VCAN: variants seen among roughly 807,000 people sequenced by gnomAD.
VCAN encodes the protein versican core protein.
VCAN carries 44 observed loss-of-function variants against 245.5 expected under a neutral mutation model. That is an observed-to-expected ratio of 0.18 (90% CI 0.14 to 0.23). The LOEUF is 0.23. VCAN is among the 10% of genes least tolerant of loss of function. The probability of loss-of-function intolerance (pLI) is 1.00; values close to 1 mark genes in which losing one functional copy is unlikely to be tolerated. For synonymous variants in VCAN, 1,413 were observed against 1,437.0 expected, an observed-to-expected ratio of 0.98 and a Z score of 0.38; for missense variants, 3,793 against 4,057.9, an observed-to-expected ratio of 0.93 and a Z score of 1.77.
At chr5:83,522,972 A>G (rs1351221074) in intron 7 of VCAN, among the ~76,000 whole-genome samples, 1 of 152,176 alleles carries the variant, frequency 6.6e-6, no homozygotes, top group Non-Finnish European at 1.5e-5. Context: ...ATTAAATATA[A>G]TTTCAGAAGG....
intron 6 of VCAN, 83 bp from the exon 7 acceptor site, chr5:83,519,266 A>G: frequency 6.9e-7 from 1 of 1,440,182 alleles, no homozygotes; most frequent in Non-Finnish European, 9.6e-7. Context: ...CCTACAAAAT[A>G]CTCAGGAGCA....
chr5:83,511,140 C>G (rs1200182490), intron 5 of VCAN, among the ~76,000 whole-genome samples: 1 of 150,080 alleles, frequency 6.7e-6, no homozygotes, highest in Non-Finnish European at 1.5e-5. Context: ...TTGGGGGAGT[C>G]TTTCTCTCTT....
At chr5:83,489,462 A>G (rs1318278315) in intron 2 of VCAN, among the ~76,000 whole-genome samples, 3 of 152,214 alleles carry the variant, frequency 2.0e-5, no homozygotes, top group African/African-American at 4.8e-5. Flanking sequence ...TCCCCATTAT[A>G]TAATTGAAGG....
rs747573535 is a variant in VCAN at position 83,520,915 on chromosome 5, A to T, written c.2609A>T (p.Asp870Val). Residue 870 changes from aspartate to valine, a missense_variant, in exon 7 of 15, where the codon GAT becomes GTT. Coordinates refer to ENST00000265077, the MANE Select transcript of VCAN (RefSeq NM_004385.5). ...CAAAAGCAGTTAGAGGAGGTTACTGATGAAGACATAGCAGCCCATGGAAAA... is the reference window on the plus strand; with the variant it reads ...CAAAAGCAGTTAGAGGAGGTTACTGTTGAAGACATAGCAGCCCATGGAAAA... Reference protein sequence around the residue: ...STQKQLEEVTDEDIAAHGKFT... With the variant: ...STQKQLEEVTVEDIAAHGKFT... 1.9e-6 allele frequency: 3 copies of T among 1,614,052 alleles called. No homozygotes were observed. The highest frequency in any genetic ancestry group is 2.7e-5 in the African/African-American group (2 of 74,936).
chr5:83,490,891 C>T (rs1744961709), intron 3 of VCAN, among the ~76,000 whole-genome samples: 1 of 152,028 alleles, frequency 6.6e-6, no homozygotes, highest in African/African-American at 2.4e-5. Context: ...CATGAAAAAC[C>T]TTTCCCCCTT....
rs749185970 is a variant in VCAN at position 83,493,620 on chromosome 5, G to T, written c.520G>T (p.Asp174Tyr). 6 of 1,614,078 alleles carry T rather than the reference G, an allele frequency of 3.7e-6. No individual in the cohort carries two copies. The East Asian group carries it at 1.3e-4, about 36-fold the overall frequency. The change falls in exon 4 of 15, where the codon GAC (aspartate) becomes TAC (tyrosine). Residue 174 changes from aspartate to tyrosine, a missense_variant. Transcript: ENST00000265077. ...TGAGGCTGCTCAGAAGGCTTGTTTG[G>T]ACGTTGGGGCAGTCATAGCAACTCC... ...NFEAAQKACL[D>Y]VGAVIATPEQ...
intron 13 of VCAN, among the ~76,000 whole-genome samples, chr5:83,577,137 C>T (rs922906237): frequency 6.6e-6 from 1 of 151,860 alleles, no homozygotes; most frequent in Non-Finnish European, 1.5e-5. Flanking sequence ...TACTGATAAC[C>T]TACAGGTCAC....
In VCAN at chr5:83,540,887, C is replaced by A. The variant is rs201327923; in HGVS notation, c.7884C>A (p.Asn2628Lys). 1.1e-4 allele frequency: 173 copies of A among 1,613,942 alleles called. No individual in the cohort carries two copies. The highest frequency in any genetic ancestry group is 1.3e-4 in the Non-Finnish European group (159 of 1,179,972). Residue 2628 changes from asparagine to lysine, a missense_variant, in exon 8 of 15, where the codon AAC becomes AAA. Asn to Lys is a moderately conservative substitution (Grantham distance 94). Coordinates refer to ENST00000265077, the MANE Select transcript of VCAN (RefSeq NM_004385.5). ...QVQEIYEAAV[N>K]LSLTEETFEG... Reference sequence around the variant, plus strand: ...AAGAGATCTATGAGGCAGCTGTCAACCTTTCTTTAACTGAGGAAACATTTG... The same window carrying A: ...AAGAGATCTATGAGGCAGCTGTCAAACTTTCTTTAACTGAGGAAACATTTG...
Position 83,506,142 on chromosome 5 carries a change from G to A in VCAN, c.749-5961G>A, listed in dbSNP as rs138642897. ...CATGGCCTGAAGACATTTTATCCAC[G>A]GTCTTGGGGATTAACGTTAGGCTCC... On this transcript the variant is annotated intron_variant, in intron 5 of 14. Transcript: ENST00000265077. Among the ~76,000 whole-genome samples the A allele has an allele frequency of 1.2e-4, 19 of 152,278 alleles. No individual in the cohort carries two copies. In the East Asian group the frequency reaches 2.7e-3, roughly 22 times the overall value.
At chr5:83,483,437 AC>A (rs1744681186) in intron 1 of VCAN, 75 bp from the exon 2 acceptor site, 1 of 1,187,510 alleles carries the variant, frequency 8.4e-7, no homozygotes, top group Non-Finnish European at 1.3e-6. Context: ...CATACAATGC[AC>A]AAAAAGCATG....
chr5:83,508,652 A>C (rs945107420), intron 5 of VCAN, among the ~76,000 whole-genome samples: 5 of 152,260 alleles, frequency 3.3e-5, no homozygotes, highest in Non-Finnish European at 7.3e-5. Context: ...TCTGAAATAA[A>C]GTAATTATTG....
At chr5:83,509,323 G>A (rs1745582084) in intron 5 of VCAN, among the ~76,000 whole-genome samples, 1 of 152,206 alleles carries the variant, frequency 6.6e-6, no homozygotes, top group Non-Finnish European at 1.5e-5. Flanking sequence ...ACTACTAAGA[G>A]AATTCTCTTT....
At chr5:83,475,996 C>A (rs1480694513) in intron 1 of VCAN, among the ~76,000 whole-genome samples, 1 of 152,170 alleles carries the variant, frequency 6.6e-6, no homozygotes, top group East Asian at 1.9e-4. Context: ...TGTTTGCAAA[C>A]TGGAGGGAGA....
rs1328308117 is a variant in VCAN, at chr5:83,580,721, C to T, written c.*287C>T. 7.2e-6 allele frequency: 3 copies of T among 414,132 alleles called. No individual in the cohort carries two copies. Among genetic ancestry groups the T allele is most frequent in the Non-Finnish European group, 4.5e-6 (1 of 221,096 alleles). The allele number at this position is 414,132 out of a possible 1,614,324, so 25.7% of individuals were successfully genotyped here. On this transcript the variant is annotated 3_prime_UTR_variant, in exon 15 of 15. Transcript: ENST00000265077. ...AGTGCAGTCCATTTCCTAATGTATA[C>T]CAGCCTACTGTACTATTTAAAATGC...
At chr5:83,510,151 A>T (rs1745608370) in intron 5 of VCAN, among the ~76,000 whole-genome samples, 1 of 152,196 alleles carries the variant, frequency 6.6e-6, no homozygotes, top group Admixed American at 6.5e-5. Context: ...GATAATTAAG[A>T]ATAAAAAGCT....
chr5:83,544,924 C>T (rs1422644029), intron 8 of VCAN: 1 of 152,284 alleles, frequency 6.6e-6, no homozygotes, highest in Non-Finnish European at 1.5e-5. Flanking sequence ...TGTTTTTCTA[C>T]AGTAGAGTTT....
chr5:83,522,353 T>A lies in VCAN; in HGVS notation c.4003+44T>A, dbSNP rs755163070. 3.1e-6 allele frequency: 5 copies of A among 1,591,374 alleles called. No homozygotes were observed. The East Asian group carries it at 1.1e-4, about 36-fold the overall frequency. ...GACTAGCATTGAAGGCAATCCTCATTTTATCTTGAAAGTTACTTTTGGGGA... is the reference window on the plus strand; with the variant it reads ...GACTAGCATTGAAGGCAATCCTCATATTATCTTGAAAGTTACTTTTGGGGA... On this transcript the variant is annotated intron_variant, in intron 7 of 14. Transcript: ENST00000265077.
intron 7 of VCAN, chr5:83,536,470 G>C (rs989500685): frequency 6.6e-6 from 1 of 152,520 alleles, no homozygotes; most frequent in African/African-American, 2.4e-5. Context: ...GATTATAAAG[G>C]GGCCAGAAGG....
intron 2 of VCAN, 108 bp downstream of exon 2, chr5:83,483,696 C>A: frequency 9.7e-7 from 1 of 1,028,314 alleles, no homozygotes. Context: ...TTTTTAAAAT[C>A]TATTAAGTGC....
Sources: allele counts gnomAD v4.1 joint callset (sites outside exome capture counted in the v4.1 genomes callset), GRCh38; gene constraint gnomAD v4.1.1; transcripts MANE v1.5; gene names NCBI Gene and HGNC (gene_info 2026-07-23, HGNC 2026-07-21).